SYN2: variants seen among roughly 807,000 people sequenced by gnomAD.
SYN2 encodes synapsin-2.
SYN2 carries 19 observed loss-of-function variants against 50.9 expected under a neutral mutation model. The observed-to-expected ratio is 0.37, with a 90% confidence interval of 0.26 to 0.55. The LOEUF (loss-of-function observed/expected upper bound fraction) is 0.55. Among genes scored for constraint, SYN2 ranks in the 20% least tolerant of loss-of-function variants. SYN2 has a pLI of 0.81. For missense variants in SYN2, 587 were observed against 576.4 expected, an observed-to-expected ratio of 1.02 and a Z score of -0.19; for synonymous variants, 255 against 224.9, an observed-to-expected ratio of 1.13 and a Z score of -1.20.
chr3:12,173,551 A>G (rs993219230), intron 10 of SYN2, among the ~76,000 whole-genome samples: 1 of 152,028 alleles, frequency 6.6e-6, no homozygotes. Flanking sequence ...CCCTTTTACC[A>G]CATTTTCTCT....
At chr3:12,157,975 T>G (rs1201676324) in intron 5 of SYN2, among the ~76,000 whole-genome samples, 1 of 152,208 alleles carries the variant, frequency 6.6e-6, no homozygotes, top group Non-Finnish European at 1.5e-5. Flanking sequence ...AACCAAAAAC[T>G]GTTGATGATG....
At chr3:12,150,975 A>G (rs1472487823) in intron 4 of SYN2, among the ~76,000 whole-genome samples, 4 of 152,236 alleles carry the variant, frequency 2.6e-5, no homozygotes, top group African/African-American at 9.6e-5. Context: ...TGAATATGAT[A>G]AAATACTAGT....
At chr3:12,044,181 TCACACACACACACACA>T (rs1553610019) in intron 1 of SYN2, among the ~76,000 whole-genome samples, 3 of 53,402 alleles carry the variant, frequency 5.6e-5, no homozygotes, top group East Asian at 7.8e-4. Flanking sequence ...TCTCTCTCTC[TCACACACACACACACA>T]CACACACACA....
intron 9 of SYN2, 78 bp downstream of exon 9, chr3:12,168,556 G>A: frequency 8.3e-7 from 1 of 1,206,476 alleles, no homozygotes; most frequent in Non-Finnish European, 1.2e-6. Context: ...CCTTTAATTT[G>A]GAGTCTCCTG....
At chr3:12,066,098 C>G (rs1292544116) in intron 1 of SYN2, among the ~76,000 whole-genome samples, 1 of 152,052 alleles carries the variant, frequency 6.6e-6, no homozygotes, top group Non-Finnish European at 1.5e-5. Flanking sequence ...CTGAATTGCA[C>G]ACTTTAAAAG....
chr3:12,161,967 T>C, intron 6 of SYN2, 45 bp from the exon 7 acceptor site: 2 of 1,610,310 alleles, frequency 1.2e-6, no homozygotes, highest in Non-Finnish European at 1.7e-6. Flanking sequence ...AGTGTGTGTA[T>C]GTGTGTGTCT....
chr3:12,184,650 G>T (rs536707532), intron 11 of SYN2: 1 of 985,926 alleles, frequency 1.0e-6, no homozygotes, highest in South Asian at 4.7e-5. Context: ...GATTTAGCTT[G>T]TGTGTGTTTT....
intron 10 of SYN2, among the ~76,000 whole-genome samples, chr3:12,176,452 C>T (rs1013263031): frequency 3.3e-5 from 5 of 152,296 alleles, no homozygotes; most frequent in South Asian, 2.1e-4. Flanking sequence ...CTTCAGTGCC[C>T]CTCATTTATG....
chr3:12,027,464 A>G (rs1694287056), intron 1 of SYN2, among the ~76,000 whole-genome samples: 1 of 152,154 alleles, frequency 6.6e-6, no homozygotes, highest in Admixed American at 6.5e-5. Flanking sequence ...CCTAGATCCT[A>G]TGAGATTCCT....
At chr3:12,088,512 TTACTG>T (rs1451126836) in intron 1 of SYN2, among the ~76,000 whole-genome samples, 2 of 152,158 alleles carry the variant, frequency 1.3e-5, no homozygotes, top group Non-Finnish European at 2.9e-5. Flanking sequence ...AAAAATATAA[TTACTG>T]TACAATCCAG....
At chr3:12,185,447 T>A (rs1559459849) in intron 11 of SYN2, 1 of 985,798 alleles carries the variant, frequency 1.0e-6, no homozygotes, top group East Asian at 1.1e-4. Flanking sequence ...AGAAATTGGT[T>A]AGGGCTCCCA....
chr3:12,068,372 C>T (rs1213925250), intron 1 of SYN2, among the ~76,000 whole-genome samples: 1 of 152,170 alleles, frequency 6.6e-6, no homozygotes, highest in East Asian at 1.9e-4. Flanking sequence ...GATTCCTAAT[C>T]TTTTGGATGT....
At chr3:12,139,341 G>A (rs1269888770) in intron 1 of SYN2, among the ~76,000 whole-genome samples, 1 of 152,144 alleles carries the variant, frequency 6.6e-6, no homozygotes, top group Non-Finnish European at 1.5e-5. Context: ...AAGGAAAATG[G>A]GAATAAATGC....
chr3:12,071,690 C>G (rs1695357782), intron 1 of SYN2: 1 of 309,746 alleles, frequency 3.2e-6, no homozygotes, highest in East Asian at 7.9e-5. Context: ...CTTGGTGAGT[C>G]TGTGTGGCCA....
intron 10 of SYN2, among the ~76,000 whole-genome samples, chr3:12,176,417 C>G (rs1009607407): frequency 6.6e-6 from 1 of 152,208 alleles, no homozygotes; most frequent in Non-Finnish European, 1.5e-5. Context: ...CAGACACTGA[C>G]GGGCTGAGGT....
intron 1 of SYN2, among the ~76,000 whole-genome samples, chr3:12,109,460 C>T (rs193082604): frequency 2.6e-5 from 4 of 152,302 alleles, no homozygotes; most frequent in African/African-American, 9.6e-5. Context: ...TTTTTACCTT[C>T]TCCTTTTTGT....
chr3:12,080,664 G>C (rs944906367), intron 1 of SYN2, among the ~76,000 whole-genome samples: 1 of 152,178 alleles, frequency 6.6e-6, no homozygotes, highest in African/African-American at 2.4e-5. Flanking sequence ...TGTGGTCTGA[G>C]AGACTTTTTG....
At chr3:12,183,837 A>G (rs1698279781) in intron 11 of SYN2, 1 of 1,029,190 alleles carries the variant, frequency 9.7e-7, no homozygotes, top group Non-Finnish European at 1.2e-6. Context: ...AAGAAAACCC[A>G]ACTCCTCTCC....
At chr3:12,159,597 G>A (rs555871896) in intron 5 of SYN2, among the ~76,000 whole-genome samples, 64 of 152,234 alleles carry the variant, frequency 4.2e-4, no homozygotes, top group African/African-American at 1.5e-3. Context: ...TGGAGACAGC[G>A]CTCTTGGTGT....
Sources: gnomAD v4.1 joint callset for allele counts (sites outside exome capture counted in the v4.1 genomes callset) on GRCh38, gnomAD v4.1.1 for gene constraint, MANE v1.5 for transcripts, NCBI Gene and HGNC (gene_info 2026-07-23, HGNC 2026-07-21) for gene names.